ENTREP2: variants seen among roughly 807,000 people sequenced by gnomAD.
The protein encoded by ENTREP2 is endosomal transmembrane epsin interactor 2, also known as protein ENTREP2.
At chr15:29,143,652 G>T in the ENTREP2 span, among the ~76,000 whole-genome samples, 2 of 152,212 alleles carry the variant, frequency 1.3e-5, no homozygotes, top group Non-Finnish European at 2.9e-5. Flanking sequence ...TGGCCGAAGG[G>T]CTTACACACA....
chr15:29,211,241 C>T, the ENTREP2 span, among the ~76,000 whole-genome samples: 3 of 152,258 alleles, frequency 2.0e-5, no homozygotes, highest in East Asian at 5.8e-4. Flanking sequence ...GCCCATCATC[C>T]CCTCTACGAT....
chr15:29,331,903 T>C, the ENTREP2 span, among the ~76,000 whole-genome samples: 2 of 152,170 alleles, frequency 1.3e-5, no homozygotes, highest in Non-Finnish European at 2.9e-5. Flanking sequence ...GCTGAGGTGA[T>C]GGAAGCAGGG....
chr15:29,562,269 G>C, the ENTREP2 span, among the ~76,000 whole-genome samples: 2 of 152,236 alleles, frequency 1.3e-5, no homozygotes, highest in Non-Finnish European at 2.9e-5. Flanking sequence ...GATGAAATTG[G>C]AATGGGGTCT....
At chr15:29,258,385 C>T in the ENTREP2 span, among the ~76,000 whole-genome samples, 1 of 151,928 alleles carries the variant, frequency 6.6e-6, no homozygotes, top group Non-Finnish European at 1.5e-5. Flanking sequence ...CGAAAGCAAA[C>T]CTACACAGAA....
At chr15:29,210,328 C>A in the ENTREP2 span, among the ~76,000 whole-genome samples, 1 of 152,194 alleles carries the variant, frequency 6.6e-6, no homozygotes, top group Non-Finnish European at 1.5e-5. Context: ...CCCACAAAAA[C>A]CACAATAAAG....
At chr15:29,556,770 C>CCAA in the ENTREP2 span, among the ~76,000 whole-genome samples, 8 of 144,526 alleles carry the variant, frequency 5.5e-5, no homozygotes, top group African/African-American at 1.3e-4. Context: ...GTGCCCCCCC[C>CCAA]CCGCCCCACA....
At chr15:29,326,645 T>C in the ENTREP2 span, among the ~76,000 whole-genome samples, 1 of 152,278 alleles carries the variant, frequency 6.6e-6, no homozygotes, top group Non-Finnish European at 1.5e-5. Context: ...TCTTCTCAAC[T>C]AGATCTATAA....
At chr15:29,385,613 T>C in the ENTREP2 span, among the ~76,000 whole-genome samples, 1 of 152,068 alleles carries the variant, frequency 6.6e-6, no homozygotes, top group Non-Finnish European at 1.5e-5. Flanking sequence ...CAGGGACATG[T>C]TCAAATAACA....
the ENTREP2 span, among the ~76,000 whole-genome samples, chr15:29,462,579 C>T: frequency 1.3e-5 from 2 of 151,970 alleles, no homozygotes; most frequent in Non-Finnish European, 2.9e-5. Context: ...CACTGCAGTC[C>T]AGCTTAGGCA....
At chr15:29,236,630 C>T in the ENTREP2 span, among the ~76,000 whole-genome samples, 1 of 152,072 alleles carries the variant, frequency 6.6e-6, no homozygotes, top group Non-Finnish European at 1.5e-5. Flanking sequence ...CTCTGGGTGA[C>T]AGAGCAAGAT....
chr15:29,630,098 AC>A, the ENTREP2 span, among the ~76,000 whole-genome samples: 1 of 152,220 alleles, frequency 6.6e-6, no homozygotes, highest in Non-Finnish European at 1.5e-5. Context: ...CCCGGGTGAC[AC>A]AATGAGACCC....
At chr15:29,463,108 A>C in the ENTREP2 span, among the ~76,000 whole-genome samples, 1 of 152,112 alleles carries the variant, frequency 6.6e-6, no homozygotes, top group Non-Finnish European at 1.5e-5. Context: ...TGGCAGGTAC[A>C]TGGAGGGGGA....
At chr15:29,461,339 T>C in the ENTREP2 span, among the ~76,000 whole-genome samples, 1 of 152,132 alleles carries the variant, frequency 6.6e-6, no homozygotes, top group Non-Finnish European at 1.5e-5. Context: ...CCAGAAAACA[T>C]GAGTTGCTTC....
chr15:29,616,930 CAT>C, the ENTREP2 span, among the ~76,000 whole-genome samples: 10 of 152,244 alleles, frequency 6.6e-5, no homozygotes, highest in African/African-American at 2.4e-4. Flanking sequence ...TGTGGTGGCA[CAT>C]GCCTGTAATC....
the ENTREP2 span, among the ~76,000 whole-genome samples, chr15:29,175,515 T>C: frequency 6.6e-6 from 1 of 152,296 alleles, no homozygotes; most frequent in African/African-American, 2.4e-5. Context: ...TCCAAGAACA[T>C]CCAAGAATGC....
chr15:29,395,702 A>AT, the ENTREP2 span, among the ~76,000 whole-genome samples: 76 of 150,746 alleles, frequency 5.0e-4, no homozygotes, highest in East Asian at 1.4e-3. Flanking sequence ...TAGTTTTCGT[A>AT]TTTTTTTTTC....
At chr15:29,222,164 C>T in the ENTREP2 span, among the ~76,000 whole-genome samples, 1 of 152,116 alleles carries the variant, frequency 6.6e-6, no homozygotes, top group Non-Finnish European at 1.5e-5. Flanking sequence ...AAACAGTTTG[C>T]AGTAAAGAAG....
chr15:29,188,242 T>A, the ENTREP2 span, among the ~76,000 whole-genome samples: 32 of 152,124 alleles, frequency 2.1e-4, no homozygotes, highest in African/African-American at 6.5e-4. Context: ...ATAGTTAGTT[T>A]TTCTTTCTTT....
chr15:29,309,971 C>A, the ENTREP2 span, among the ~76,000 whole-genome samples: 2 of 152,002 alleles, frequency 1.3e-5, no homozygotes, highest in Admixed American at 1.3e-4. Context: ...TGGGAGTAGA[C>A]CCTGCATGCT....
Sources: allele counts gnomAD v4.1 joint callset (sites outside exome capture counted in the v4.1 genomes callset), GRCh38; gene constraint gnomAD v4.1.1; transcripts MANE v1.5; gene names NCBI Gene and HGNC (gene_info 2026-07-23, HGNC 2026-07-21).